Variants in GIGYF2 observed in about 807,000 individuals in gnomAD.
GIGYF2 encodes GRB10 interacting GYF protein 2.
Under a neutral mutation model 208.1 loss-of-function variants are expected in GIGYF2, and 25 were observed. The observed-to-expected ratio is 0.12, with a 90% CI of 0.09 to 0.17. GIGYF2 has a LOEUF of 0.17. Ranked by LOEUF, GIGYF2 falls within the 10% of genes least tolerant of loss-of-function variation. GIGYF2 has a pLI of 1.00. For synonymous variants in GIGYF2, 534 were observed against 543.8 expected, an observed-to-expected ratio of 0.98 and a Z score of 0.25; for missense variants, 1,302 against 1,579.4, an observed-to-expected ratio of 0.82 and a Z score of 2.98.
chr2:232,852,647 T>G (rs181905651), intron 28 of GIGYF2, among the ~76,000 whole-genome samples: 4 of 152,284 alleles, frequency 2.6e-5, no homozygotes, highest in African/African-American at 9.6e-5. Context: ...AACTTGTAGA[T>G]CTGGTGCAAT....
At chr2:232,756,173 T>A (rs745809784) in intron 5 of GIGYF2, 50 bp from the exon 6 acceptor site, 17 of 1,127,344 alleles carry the variant, frequency 1.5e-5, no homozygotes, top group South Asian at 8.3e-5. Context: ...CATCCATTTT[T>A]TTCTTTCTTT....
chr2:232,844,345 C>A, intron 24 of GIGYF2, 24 bp from the exon 25 acceptor site: 1 of 1,611,706 alleles, frequency 6.2e-7, no homozygotes, highest in South Asian at 1.1e-5. Flanking sequence ...TCACGATAAT[C>A]ATTTTTCTCT....
At chr2:232,771,387 A>G (rs774914865) in intron 8 of GIGYF2, 2 of 1,534,818 alleles carry the variant, frequency 1.3e-6, no homozygotes, top group South Asian at 2.2e-5. Flanking sequence ...CTCTAAAATC[A>G]AGAGTAAATT....
At chr2:232,812,154 T>C (rs996236912) in intron 17 of GIGYF2, among the ~76,000 whole-genome samples, 1 of 152,196 alleles carries the variant, frequency 6.6e-6, no homozygotes, top group Non-Finnish European at 1.5e-5. Flanking sequence ...AGTGGGTATA[T>C]CCATCATTTA....
chr2:232,796,981 T>A (rs1162387152), intron 14 of GIGYF2, among the ~76,000 whole-genome samples: 1 of 152,082 alleles, frequency 6.6e-6, no homozygotes, highest in Non-Finnish European at 1.5e-5. Flanking sequence ...CTCTGGCATC[T>A]CAGTTGGTTA....
intron 5 of GIGYF2, among the ~76,000 whole-genome samples, chr2:232,755,212 C>G (rs934447357): frequency 2.0e-5 from 3 of 152,118 alleles, no homozygotes; most frequent in African/African-American, 7.2e-5. Flanking sequence ...GCTCTGTCGC[C>G]CAGGCTAGAG....
chr2:232,794,905 A>G lies in GIGYF2; in HGVS notation c.1440A>G (p.Thr480=). The G allele has an allele frequency of 6.2e-7, 1 of 1,614,022 alleles. No individual in the cohort carries two copies. Among genetic ancestry groups the G allele is most frequent in the Non-Finnish European group, 8.5e-7 (1 of 1,179,870 alleles). ...VGAPGMGSVS[T]EPDDEEGLKH... ...CTCCTGGTATGGGCAGTGTTTCCACAGAACCTGATGATGAAGAAGGTCTCA... is the reference window on the plus strand; with the variant it reads ...CTCCTGGTATGGGCAGTGTTTCCACGGAACCTGATGATGAAGAAGGTCTCA... The change falls in exon 13 of 29, where the codon ACA becomes ACG. Residue 480 remains threonine (T), a synonymous_variant. Transcript: ENST00000373563.
chr2:232,713,693 T>C (rs1696536357), intron 2 of GIGYF2, among the ~76,000 whole-genome samples: 1 of 152,218 alleles, frequency 6.6e-6, no homozygotes, highest in Admixed American at 6.5e-5. Flanking sequence ...TTTCCTTGTT[T>C]TTGATGACCT....
At chr2:232,816,828 T>G (rs753150502) in intron 19 of GIGYF2, 43 bp from the exon 20 acceptor site, 2 of 1,487,480 alleles carry the variant, frequency 1.3e-6, no homozygotes, top group Non-Finnish European at 1.9e-6. Context: ...AGTGTTCCTG[T>G]GCTTGGTTTC....
intron 5 of GIGYF2, among the ~76,000 whole-genome samples, chr2:232,752,956 A>G (rs1213645736): frequency 1.3e-5 from 2 of 152,194 alleles, no homozygotes; most frequent in Non-Finnish European, 2.9e-5. Flanking sequence ...TTCCTCAGAA[A>G]TAACCACTAT....
intron 2 of GIGYF2, among the ~76,000 whole-genome samples, chr2:232,728,206 T>C (rs756530089): frequency 2.0e-5 from 3 of 152,022 alleles, no homozygotes; most frequent in Non-Finnish European, 4.4e-5. Context: ...AAGTTCTCAT[T>C]TGGCTTTGAG....
At chr2:232,824,733 A>G (rs1434382658) in intron 21 of GIGYF2, among the ~76,000 whole-genome samples, 1 of 152,236 alleles carries the variant, frequency 6.6e-6, no homozygotes, top group Non-Finnish European at 1.5e-5. Flanking sequence ...ACTAAACAAC[A>G]TATTTTCAGT....
At position 232,820,532 on chromosome 2, in the gene GIGYF2, TCTCA is replaced by T. The variant is rs1414928855; in HGVS notation, c.2529+548_2529+551del. Among the ~76,000 whole-genome samples the T allele has an allele frequency of 2.0e-5, 3 of 151,976 alleles. No individual in the cohort carries two copies. The East Asian group carries it at 5.8e-4, about 30-fold the overall frequency. Reference sequence around the variant, plus strand: ...GGTTTCATTGTGTTAGCCAGGGTGGTCTCAATCTCCTGACCTCATGATCCACCCG... The same window carrying T: ...GGTTTCATTGTGTTAGCCAGGGTGGTATCTCCTGACCTCATGATCCACCCG... On this transcript the variant is annotated intron_variant, in intron 21 of 28. Transcript: ENST00000373563.
In GIGYF2 at chr2:232,813,968, A is replaced by C. The variant is rs1227977207; in HGVS notation, c.2107+1477A>C. On this transcript the variant is annotated intron_variant, in intron 18 of 28. Coordinates refer to ENST00000373563, the MANE Select transcript of GIGYF2 (RefSeq NM_001103146.3). ...AGTGGCACAATCTCGGGTCACTGCA[A>C]CCTCTGCCTCCTGGGTTCAAGAGAT... Among the ~76,000 whole-genome samples the C allele has an allele frequency of 2.9e-4, 41 of 143,776 alleles. No individual in the cohort carries two copies. In the Admixed American group the frequency reaches 3.0e-3, roughly 10 times the overall value. 94.3% of individuals were successfully genotyped at this position (143,776 alleles called of 152,430 possible).
intron 3 of GIGYF2, chr2:232,735,441 TTGTC>T (rs1559392645): frequency 1.0e-5 from 5 of 486,896 alleles, no homozygotes; most frequent in African/African-American, 4.0e-5. Flanking sequence ...TTTTTTTTCT[TTGTC>T]TGGTTATATA....
At chr2:232,738,162 C>G (rs1697820931) in intron 3 of GIGYF2, among the ~76,000 whole-genome samples, 1 of 152,042 alleles carries the variant, frequency 6.6e-6, no homozygotes, top group Non-Finnish European at 1.5e-5. Flanking sequence ...GGTGATCCGT[C>G]TACCTTGTCC....
At chr2:232,732,031 T>C (rs1031948399) in intron 2 of GIGYF2, among the ~76,000 whole-genome samples, 6 of 152,184 alleles carry the variant, frequency 3.9e-5, no homozygotes, top group Admixed American at 2.0e-4. Context: ...AGTCTGACTT[T>C]TCTAAATCAC....
At chr2:232,712,113 A>T (rs1040283859) in intron 2 of GIGYF2, among the ~76,000 whole-genome samples, 7 of 152,176 alleles carry the variant, frequency 4.6e-5, no homozygotes, top group African/African-American at 1.7e-4. Flanking sequence ...TTGAAAGGTC[A>T]AATTTTATAA....
intron 3 of GIGYF2, among the ~76,000 whole-genome samples, chr2:232,741,352 T>C (rs1238553104): frequency 1.3e-5 from 2 of 152,226 alleles, no homozygotes; most frequent in African/African-American, 2.4e-5. Context: ...TCTGAATCTC[T>C]ATTGCTATCA....
Sources: allele counts gnomAD v4.1 joint callset (sites outside exome capture counted in the v4.1 genomes callset), GRCh38; gene constraint gnomAD v4.1.1; transcripts MANE v1.5; gene names NCBI Gene and HGNC (gene_info 2026-07-23, HGNC 2026-07-21).